Variants in ABCA12 observed in about 807,000 individuals in gnomAD.
The protein encoded by ABCA12 is ATP binding cassette subfamily A member 12.
A neutral mutation model predicts 293.5 loss-of-function variants in ABCA12; 156 were observed. That is an observed-to-expected ratio of 0.53 (90% CI 0.47 to 0.61). The LOEUF (loss-of-function observed/expected upper bound fraction) is 0.61. Among genes scored for constraint, ABCA12 ranks in the 20% least tolerant of loss-of-function variants. The pLI is 0.00. For missense variants in ABCA12, 2,797 were observed against 3,090.2 expected (o/e 0.91, Z 2.25); for synonymous variants, 1,063 against 1,108.0 (o/e 0.96, Z 0.81).
At chr2:214,958,901 A>AT in intron 40 of ABCA12, 123 bp downstream of exon 40, 1 of 1,084,464 alleles carries the variant, frequency 9.2e-7, no homozygotes, top group Admixed American at 1.7e-5. Flanking sequence ...AGTCAGTGAC[A>AT]TATTACCAGC....
At chr2:215,076,339 T>C (rs1701832653) in intron 2 of ABCA12, among the ~76,000 whole-genome samples, 1 of 152,220 alleles carries the variant, frequency 6.6e-6, no homozygotes, top group African/African-American at 2.4e-5. Flanking sequence ...GGTGGTATGT[T>C]CCCACGTTGT....
At chr2:215,075,427 C>T in intron 2 of ABCA12, 1 of 558,364 alleles carries the variant, frequency 1.8e-6, no homozygotes, top group Middle Eastern at 2.7e-4. Context: ...GCAAAATTTT[C>T]AGGAAGTACT....
intron 2 of ABCA12, among the ~76,000 whole-genome samples, chr2:215,075,184 G>A (rs1701811206): frequency 2.0e-5 from 3 of 152,100 alleles, no homozygotes; most frequent in Non-Finnish European, 1.5e-5. Context: ...TGCAGGCAAA[G>A]AGGGGGGAAA....
chr2:215,100,163 T>C (rs935392517), intron 2 of ABCA12, among the ~76,000 whole-genome samples: 3 of 152,004 alleles, frequency 2.0e-5, no homozygotes, highest in Admixed American at 1.3e-4. Flanking sequence ...CACAGGCACA[T>C]ACCACCACAT....
At chr2:214,957,187 G>C (rs1377669287) in intron 41 of ABCA12, among the ~76,000 whole-genome samples, 1 of 152,188 alleles carries the variant, frequency 6.6e-6, no homozygotes, top group Non-Finnish European at 1.5e-5. Context: ...TCTAAAGCTT[G>C]GTTATCAGTG....
chr2:214,957,351 G>A (rs917768213), intron 41 of ABCA12, among the ~76,000 whole-genome samples: 1 of 152,174 alleles, frequency 6.6e-6, no homozygotes, highest in Non-Finnish European at 1.5e-5. Flanking sequence ...GAAGGTGGTG[G>A]TAACTTAATT....
intron 11 of ABCA12, among the ~76,000 whole-genome samples, chr2:215,021,128 T>C (rs957830834): frequency 8.5e-5 from 13 of 152,198 alleles, no homozygotes; most frequent in African/African-American, 3.1e-4. Flanking sequence ...GAATTACAGA[T>C]GTGAGCCACT....
intron 2 of ABCA12, chr2:215,075,495 C>T (rs1440269224): frequency 1.3e-5 from 9 of 679,654 alleles, no homozygotes; most frequent in Non-Finnish European, 2.4e-5. Flanking sequence ...TTAATCCTAG[C>T]TTTGCAAATG....
chr2:215,028,410 T>C (rs1700797435), intron 9 of ABCA12, among the ~76,000 whole-genome samples: 1 of 152,234 alleles, frequency 6.6e-6, no homozygotes, highest in Non-Finnish European at 1.5e-5. Context: ...ATTCATAGTC[T>C]TTATATTTTT....
intron 7 of ABCA12, among the ~76,000 whole-genome samples, chr2:215,039,875 A>C (rs1324012753): frequency 6.6e-6 from 1 of 152,148 alleles, no homozygotes; most frequent in Non-Finnish European, 1.5e-5. Context: ...ATAAATATAA[A>C]AATTACTAAT....
intron 19 of ABCA12, among the ~76,000 whole-genome samples, chr2:215,005,073 T>C (rs1700224075): frequency 6.6e-6 from 1 of 152,214 alleles, no homozygotes; most frequent in African/African-American, 2.4e-5. Flanking sequence ...GCTTTTATAA[T>C]ACCATGTGCT....
intron 2 of ABCA12, among the ~76,000 whole-genome samples, chr2:215,088,690 AG>A (rs1386534087): frequency 1.3e-5 from 2 of 152,224 alleles, no homozygotes; most frequent in Non-Finnish European, 2.9e-5. Flanking sequence ...AGCTTAAACT[AG>A]AATTTTAATA....
intron 2 of ABCA12, among the ~76,000 whole-genome samples, chr2:215,087,006 A>G (rs1413790109): frequency 1.3e-5 from 2 of 151,792 alleles, no homozygotes; most frequent in African/African-American, 4.8e-5. Flanking sequence ...GCAATGGCGC[A>G]ATCTTGGCTC....
rs564442866 is a variant in ABCA12, at chr2:215,137,988, G to C, written c.69+152C>G. ...TTAAGACTCGCTCCATTAGCTATAA[G>C]ACAGATAGGGGGATGAATTCTAAAT... is the stretch of plus-strand genomic sequence containing the variant. On this transcript the variant is annotated intron_variant, in intron 1 of 52. Coordinates refer to ENST00000272895, the MANE Select transcript of ABCA12 (RefSeq NM_173076.3). 3 of 838,398 alleles carry C rather than the reference G, an allele frequency of 3.6e-6. No individual in the cohort carries two copies. The East Asian group carries it at 7.4e-5, about 21-fold the overall frequency. The allele number at this position is 838,398 out of a possible 1,614,324, so 51.9% of individuals were successfully genotyped here.
intron 44 of ABCA12, among the ~76,000 whole-genome samples, chr2:214,953,051 T>C (rs1303767120): frequency 6.6e-6 from 1 of 152,230 alleles, no homozygotes; most frequent in Non-Finnish European, 1.5e-5. Context: ...CAATTAGAGA[T>C]AGTCTATGGA....
chr2:215,102,083 C>A (rs947061365), intron 2 of ABCA12, among the ~76,000 whole-genome samples: 2 of 151,992 alleles, frequency 1.3e-5, no homozygotes, highest in East Asian at 1.9e-4. Flanking sequence ...TTGGTACATG[C>A]ATAGAAAAAA....
At chr2:215,070,486 CGTCA>C (rs1224314288) in intron 2 of ABCA12, among the ~76,000 whole-genome samples, 3 of 150,660 alleles carry the variant, frequency 2.0e-5, no homozygotes, top group Admixed American at 2.0e-4. Context: ...CCCATTAACT[CGTCA>C]GTCATTTAGC....
At position 215,085,502 on chromosome 2, in the gene ABCA12, A is replaced by G. The variant is rs958088534; in HGVS notation, c.164-21283T>C. 3 of 152,236 alleles carry G rather than the reference A, an allele frequency of 2.0e-5. No individual in the cohort carries two copies. In the East Asian group the frequency reaches 5.8e-4, roughly 29 times the overall value. 9.4% of individuals were successfully genotyped at this position (152,236 alleles called of 1,614,324 possible). A position where few individuals can be genotyped will look rare whatever the true frequency, so the allele number is the denominator to read the frequency against. ...TGAGATTAAATGAAAACCTGTAGGTAAAAGATTTACCATTCTCCTGGGTAC... is the reference window on the plus strand; with the variant it reads ...TGAGATTAAATGAAAACCTGTAGGTGAAAGATTTACCATTCTCCTGGGTAC... On this transcript the variant is annotated intron_variant, in intron 2 of 52. Transcript: ENST00000272895.
chr2:215,101,733 T>A, intron 2 of ABCA12, among the ~76,000 whole-genome samples: 1 of 152,024 alleles, frequency 6.6e-6, no homozygotes, highest in Admixed American at 6.6e-5. Flanking sequence ...TTAAAAGAAA[T>A]CTGCATTTAA....
Sources: allele counts gnomAD v4.1 joint callset (sites outside exome capture counted in the v4.1 genomes callset), GRCh38; gene constraint gnomAD v4.1.1; transcripts MANE v1.5; gene names NCBI Gene and HGNC (gene_info 2026-07-23, HGNC 2026-07-21).